The following INPP4B variants were observed in gnomAD, a reference collection of about 807,000 sequenced individuals.
INPP4B encodes inositol polyphosphate-4-phosphatase type II B.
In INPP4B, 55 loss-of-function variants were observed where a neutral mutation model predicts 122.5. That is an observed-to-expected ratio of 0.45 (90% CI 0.36 to 0.56). The LOEUF (loss-of-function observed/expected upper bound fraction) is 0.56. INPP4B is among the 20% of genes least tolerant of loss of function. The probability of loss-of-function intolerance (pLI) is 0.00; values close to 1 mark genes in which losing one functional copy is unlikely to be tolerated. For synonymous variants in INPP4B, 403 were observed against 388.7 expected, an observed-to-expected ratio of 1.04 and a Z score of -0.43; for missense variants, 1,000 against 1,097.7, an observed-to-expected ratio of 0.91 and a Z score of 1.26.
At chr4:142,159,105 T>C (rs1248954711) in intron 17 of INPP4B, among the ~76,000 whole-genome samples, 1 of 151,968 alleles carries the variant, frequency 6.6e-6, no homozygotes, top group Non-Finnish European at 1.5e-5. Flanking sequence ...TATAATGCAT[T>C]TGCCTTGGCA....
intron 23 of INPP4B, among the ~76,000 whole-genome samples, chr4:142,090,418 T>A (rs139245396): frequency 6.7e-6 from 1 of 149,044 alleles, no homozygotes; most frequent in Admixed American, 6.7e-5. Flanking sequence ...TTCAACCCAA[T>A]AAAAATTCTG....
chr4:142,449,687 A>T (rs994421312), intron 3 of INPP4B, among the ~76,000 whole-genome samples: 2 of 151,328 alleles, frequency 1.3e-5, no homozygotes, highest in East Asian at 3.9e-4. Context: ...TGACAGAGCA[A>T]GACTCTGTCC....
At position 142,093,718 on chromosome 4, in the gene INPP4B, T is replaced by C. The variant is rs575979320; in HGVS notation, c.2375-7462A>G. On this transcript the variant is annotated intron_variant, in intron 23 of 25. Transcript: ENST00000262992. ...CTTGAAAAATAAGAACAGACAAAAC[T>C]CCACCAAAACCAGCTTTATTTAAAT... is the stretch of plus-strand genomic sequence containing the variant. Among the ~76,000 whole-genome samples the C allele has an allele frequency of 2.0e-5, 3 of 152,208 alleles. No individual in the cohort carries two copies. The East Asian group carries it at 5.8e-4, about 29-fold the overall frequency.
intron 1 of INPP4B, among the ~76,000 whole-genome samples, chr4:142,845,902 G>T (rs1017296724): frequency 6.6e-6 from 1 of 152,102 alleles, no homozygotes; most frequent in African/African-American, 2.4e-5. Flanking sequence ...GTGTGCGTGT[G>T]TGAGTGAGAA....
intron 7 of INPP4B, among the ~76,000 whole-genome samples, chr4:142,370,437 T>C (rs1169835692): frequency 6.6e-6 from 1 of 152,106 alleles, no homozygotes; most frequent in Non-Finnish European, 1.5e-5. Context: ...AATATAATGC[T>C]ATGCATTGAA....
chr4:142,689,926 C>T (rs571568755), intron 2 of INPP4B, among the ~76,000 whole-genome samples: 15 of 152,250 alleles, frequency 9.9e-5, no homozygotes, highest in African/African-American at 3.6e-4. Context: ...GTCAAACAGA[C>T]TTTCCTTATC....
rs1328714148 is a variant in INPP4B, at chr4:142,223,877, C to T, written c.836+13987G>A. ...GATCCTTCGTTCTTTGTTCTTAGAGCAAGCAAGAAAGAGAAACAGAGAAAC... is the reference window on the plus strand; with the variant it reads ...GATCCTTCGTTCTTTGTTCTTAGAGTAAGCAAGAAAGAGAAACAGAGAAAC... On this transcript the variant is annotated intron_variant, in intron 12 of 25. Coordinates refer to ENST00000262992, the MANE Select transcript of INPP4B (RefSeq NM_001101669.3). 5.3e-5 allele frequency among the ~76,000 whole-genome samples: 8 copies of T among 152,128 alleles called. No homozygotes were observed. The East Asian group carries it at 1.2e-3, about 22-fold the overall frequency.
intron 2 of INPP4B, among the ~76,000 whole-genome samples, chr4:142,587,627 C>T (rs1736511180): frequency 6.6e-6 from 1 of 152,054 alleles, no homozygotes; most frequent in Non-Finnish European, 1.5e-5. Context: ...ATAATAATCA[C>T]ATCAGGGTAA....
At chr4:142,597,261 T>C in intron 2 of INPP4B, among the ~76,000 whole-genome samples, 1 of 152,164 alleles carries the variant, frequency 6.6e-6, no homozygotes, top group Non-Finnish European at 1.5e-5. Flanking sequence ...CTTCAAAGAG[T>C]CTTTAAGATC....
At chr4:142,197,656 T>A (rs1024770670) in intron 14 of INPP4B, among the ~76,000 whole-genome samples, 5 of 152,128 alleles carry the variant, frequency 3.3e-5, no homozygotes, top group Non-Finnish European at 5.9e-5. Context: ...TATAGTAAGA[T>A]CACAATAAAA....
At chr4:142,763,563 T>C (rs1771649824) in intron 1 of INPP4B, among the ~76,000 whole-genome samples, 2 of 152,090 alleles carry the variant, frequency 1.3e-5, no homozygotes, top group African/African-American at 2.4e-5. Flanking sequence ...GCTTGACAAT[T>C]ACAACATAAT....
chr4:142,460,597 T>C (rs1816510816), intron 3 of INPP4B, among the ~76,000 whole-genome samples: 2 of 152,190 alleles, frequency 1.3e-5, no homozygotes, highest in South Asian at 2.1e-4. Flanking sequence ...ACATCTCTAG[T>C]AGAAAGCAAA....
intron 2 of INPP4B, among the ~76,000 whole-genome samples, chr4:142,569,722 C>T (rs535643366): frequency 3.9e-5 from 6 of 152,172 alleles, no homozygotes; most frequent in East Asian, 3.9e-4. Flanking sequence ...CATCCAAATT[C>T]GCATTCTGAT....
At chr4:142,811,794 T>C (rs959222450) in intron 1 of INPP4B, among the ~76,000 whole-genome samples, 13 of 152,256 alleles carry the variant, frequency 8.5e-5, no homozygotes, top group African/African-American at 2.9e-4. Context: ...TTTCATCAGC[T>C]CCCCACTCCA....
chr4:142,246,786 A>C (rs1317447852), intron 11 of INPP4B, among the ~76,000 whole-genome samples: 4 of 152,068 alleles, frequency 2.6e-5, no homozygotes, highest in Non-Finnish European at 5.9e-5. Flanking sequence ...AATACCCTTT[A>C]TTTCCTTCTC....
intron 1 of INPP4B, among the ~76,000 whole-genome samples, chr4:142,818,802 A>G (rs1780449644): frequency 6.6e-6 from 1 of 152,130 alleles, no homozygotes; most frequent in Non-Finnish European, 1.5e-5. Flanking sequence ...TTATTAGTTT[A>G]TATAAAATAG....
At chr4:142,486,872 AT>A (rs1469419013) in intron 2 of INPP4B, among the ~76,000 whole-genome samples, 4 of 152,330 alleles carry the variant, frequency 2.6e-5, no homozygotes, top group African/African-American at 9.6e-5. Context: ...CTTGATGCCT[AT>A]GCAAAAATCA....
At chr4:142,662,166 C>T (rs968927404) in intron 2 of INPP4B, among the ~76,000 whole-genome samples, 7 of 151,444 alleles carry the variant, frequency 4.6e-5, no homozygotes, top group African/African-American at 1.7e-4. Flanking sequence ...ACCTGGCAGG[C>T]GGAGCTTGTA....
intron 7 of INPP4B, among the ~76,000 whole-genome samples, chr4:142,359,199 A>T (rs959310963): frequency 4.0e-5 from 6 of 151,604 alleles, no homozygotes; most frequent in African/African-American, 1.5e-4. Flanking sequence ...ACTGTAAAGA[A>T]CACTGGCAAA....
Sources: allele counts gnomAD v4.1 joint callset (sites outside exome capture counted in the v4.1 genomes callset), GRCh38; gene constraint gnomAD v4.1.1; transcripts MANE v1.5; gene names NCBI Gene and HGNC (gene_info 2026-07-23, HGNC 2026-07-21).